LRP5: variants seen among roughly 807,000 people sequenced by gnomAD.
The protein encoded by LRP5 is low-density lipoprotein receptor-related protein 5.
A neutral mutation model predicts 154.1 loss-of-function variants in LRP5; 62 were observed. The ratio of observed to expected loss-of-function variants is 0.40; its 90% CI spans 0.33 to 0.50. The LOEUF is 0.50. Among genes scored for constraint, LRP5 ranks in the 20% least tolerant of loss-of-function variants. The pLI is 0.55. For missense variants in LRP5, 1,915 were observed against 2,336.7 expected (o/e 0.82, Z 3.72); for synonymous variants, 966 against 1,011.5 (o/e 0.96, Z 0.85).
chr11:68,326,986 G>A (rs1320428218), intron 1 of LRP5, among the ~76,000 whole-genome samples: 2 of 152,206 alleles, frequency 1.3e-5, no homozygotes, highest in African/African-American at 4.8e-5. Flanking sequence ...GCCCAGTGTT[G>A]TGCAGGGATG....
intron 1 of LRP5, among the ~76,000 whole-genome samples, chr11:68,317,986 G>T (rs982682131): frequency 1.3e-4 from 20 of 151,988 alleles, no homozygotes; most frequent in African/African-American, 4.8e-4. Context: ...TGCTCTATTG[G>T]AGTGTATTTA....
chr11:68,406,227 T>C (rs141123009), intron 8 of LRP5, among the ~76,000 whole-genome samples: 14 of 152,326 alleles, frequency 9.2e-5, no homozygotes, highest in African/African-American at 3.1e-4. Flanking sequence ...TTGGTTGCCA[T>C]TGCCAGGTGT....
At chr11:68,396,490 T>C (rs1279851947) in intron 7 of LRP5, among the ~76,000 whole-genome samples, 1 of 152,158 alleles carries the variant, frequency 6.6e-6, no homozygotes, top group Non-Finnish European at 1.5e-5. Context: ...GTTTTCAGCA[T>C]CCAGTGCATG....
chr11:68,444,891 A>G (rs1179002316), intron 21 of LRP5, among the ~76,000 whole-genome samples: 1 of 151,668 alleles, frequency 6.6e-6, no homozygotes, highest in African/African-American at 2.4e-5. Context: ...TGCCCTCTCA[A>G]CGTTGGGGTC....
At chr11:68,409,579 G>T (rs2098658247) in intron 9 of LRP5, among the ~76,000 whole-genome samples, 1 of 151,958 alleles carries the variant, frequency 6.6e-6, no homozygotes, top group Non-Finnish European at 1.5e-5. Flanking sequence ...TGGCGTGGTG[G>T]CTCACGCCTG....
intron 5 of LRP5, among the ~76,000 whole-genome samples, chr11:68,377,539 G>A (rs1004213320): frequency 1.3e-5 from 2 of 152,182 alleles, no homozygotes; most frequent in African/African-American, 2.4e-5. Context: ...CAAATGCTGC[G>A]GTTGCGGCAT....
intron 5 of LRP5, among the ~76,000 whole-genome samples, chr11:68,380,946 ACCTGTGTATGTGAT>A (rs2153149411): frequency 6.6e-6 from 1 of 152,280 alleles, no homozygotes; most frequent in South Asian, 2.1e-4. Context: ...AACCCCAGGA[ACCTGTGTATGTGAT>A]CTAATTTGGA....
chr11:68,374,980 T>C (rs771615829), intron 5 of LRP5, among the ~76,000 whole-genome samples: 14 of 152,316 alleles, frequency 9.2e-5, no homozygotes, highest in Non-Finnish European at 1.6e-4. Flanking sequence ...GCCTCTTCCA[T>C]GTCCCCCTTG....
chr11:68,429,106 A>AG lies in LRP5; in HGVS notation c.3638-468dup, dbSNP rs1380537990. On this transcript the variant is annotated intron_variant, in intron 16 of 22. Transcript: ENST00000294304. The stretch of plus-strand genomic sequence containing the variant: ...AGCAAGACTCTGTCTCAAAAAAAAA[A>AG]GCCAGGCATGGTGGTGCATGCCTGT... Among the ~76,000 whole-genome samples, 4 of 147,384 alleles carry AG rather than the reference A, an allele frequency of 2.7e-5. No individual in the cohort carries two copies. The Admixed American group carries it at 2.7e-4, about 10-fold the overall frequency.
chr11:68,315,170 T>C (rs1387797207), intron 1 of LRP5, among the ~76,000 whole-genome samples: 1 of 152,178 alleles, frequency 6.6e-6, no homozygotes, highest in Non-Finnish European at 1.5e-5. Flanking sequence ...CATACCTAGT[T>C]TCTGTTATCT....
At chr11:68,404,307 C>G (rs531770443) in intron 8 of LRP5, 1 of 530,858 alleles carries the variant, frequency 1.9e-6, no homozygotes. Context: ...TGTGTCCTGC[C>G]GGGGTCCCAC....
chr11:68,363,110 G>A (rs961280708), intron 3 of LRP5, among the ~76,000 whole-genome samples: 3 of 152,258 alleles, frequency 2.0e-5, no homozygotes, highest in African/African-American at 4.8e-5. Context: ...TAAATTATGA[G>A]CATTGTAAGA....
In LRP5 at chr11:68,386,483, C is replaced by T. The variant is rs1177481438; in HGVS notation, c.1183C>T (p.Arg395Trp). ...GYVYWTDDEV[R>W]AIRRAYLDGS... is the part of the protein sequence containing the mutation. ...TGTCTACTGGACAGATGACGAGGTG[C>T]GGGCCATCCGCAGGGCGTACCTGGA... is the stretch of plus-strand genomic sequence containing the variant. The change falls in exon 6 of 23, where the codon CGG becomes TGG. Residue 395 changes from arginine to tryptophan, a missense_variant. Physicochemically the swap from Arg to Trp is moderately radical, Grantham distance 101. Around this residue, in one of 3 missense-constraint regions of LRP5, gnomAD observed 773 missense variants for 1,100.9 expected, o/e 0.70. Transcript: ENST00000294304. This position sits in a 1 kb window ranked among gnomAD's most constrained non-coding sequence, Gnocchi z 7.9. 11 of 1,613,946 alleles carry T rather than the reference C, an allele frequency of 6.8e-6. No homozygotes were observed. In the Admixed American group the frequency reaches 8.3e-5, roughly 12 times the overall value.
chr11:68,302,997 C>T, the LRP5 span, among the ~76,000 whole-genome samples: 1 of 152,338 alleles, frequency 6.6e-6, no homozygotes, highest in East Asian at 1.9e-4. Flanking sequence ...GCCTTTCCTA[C>T]TCCCTCTGTT....
chr11:68,376,516 G>A (rs556750761), intron 5 of LRP5, among the ~76,000 whole-genome samples: 72 of 152,290 alleles, frequency 4.7e-4, no homozygotes, highest in African/African-American at 1.5e-3. Flanking sequence ...TGAGGCACAC[G>A]GTGCCGAGAG....
chr11:68,331,402 G>A (rs182955708), intron 1 of LRP5, among the ~76,000 whole-genome samples: 66 of 152,296 alleles, frequency 4.3e-4, no homozygotes, highest in South Asian at 3.1e-3. Flanking sequence ...GGCCCTGCCC[G>A]GGAGCACAGG....
At chr11:68,351,713 T>C (rs1447886463) in intron 2 of LRP5, among the ~76,000 whole-genome samples, 1 of 152,154 alleles carries the variant, frequency 6.6e-6, no homozygotes, top group Non-Finnish European at 1.5e-5. Flanking sequence ...TCTCTGGCCC[T>C]TTCAGTGAGT....
chr11:68,396,415 G>A (rs913857391), intron 7 of LRP5, among the ~76,000 whole-genome samples: 18 of 152,124 alleles, frequency 1.2e-4, no homozygotes, highest in African/African-American at 3.9e-4. Flanking sequence ...GGAGCTGGGC[G>A]CTAGGAGGAA....
rs1303304355 is a variant in LRP5 at position 68,389,884 on chromosome 11, C to T, written c.1416C>T (p.Leu472=). Residue 472 remains leucine, a synonymous_variant, in exon 7 of 23, where the codon CTC becomes CTT. Transcript: ENST00000294304. ...TGGACTTCTGCTTCTTCTCCAGCCT[C>T]ATGTACTGGACAGACTGGGGAGAGA... ...RAIALHPVMG[L]MYWTDWGENP... The T allele has an allele frequency of 6.2e-7, 1 of 1,614,258 alleles. No individual in the cohort carries two copies.
Sources: gnomAD v4.1 joint callset for allele counts (sites outside exome capture counted in the v4.1 genomes callset) on GRCh38, gnomAD v4.1.1 for gene constraint, gnomAD v4.1.1 regional missense constraint, Gnocchi (gnomAD v3.1) non-coding constraint, MANE v1.5 for transcripts, NCBI Gene and HGNC (gene_info 2026-07-23, HGNC 2026-07-21) for gene names.